CNRIP1: variants seen among roughly 807,000 people sequenced by gnomAD.
The protein encoded by CNRIP1 is cannabinoid receptor interacting protein 1, also known as CB1 cannabinoid receptor-interacting protein 1.
CNRIP1 carries 10 observed loss-of-function variants against 15.2 expected under a neutral mutation model. That is an observed-to-expected ratio of 0.66 (90% CI 0.41 to 1.12). The LOEUF (loss-of-function observed/expected upper bound fraction) is 1.12. Among genes scored for constraint, CNRIP1 ranks in the 50% most tolerant of loss-of-function variants. The probability of loss-of-function intolerance (pLI) is 0.00; values close to 1 mark genes in which losing one functional copy is unlikely to be tolerated. For synonymous variants in CNRIP1, 91 were observed against 83.2 expected (o/e 1.09, Z -0.51); for missense variants, 211 against 214.7 (o/e 0.98, Z 0.11).
intron 2 of CNRIP1, among the ~76,000 whole-genome samples, chr2:68,287,753 G>C (rs576965921): frequency 1.3e-5 from 2 of 152,212 alleles, no homozygotes; most frequent in African/African-American, 4.8e-5. Context: ...CTTAGCCCAG[G>C]CCATGGAGGT....
chr2:68,288,039 C>T (rs1239800115), downstream of CNRIP1, among the ~76,000 whole-genome samples: 1 of 149,570 alleles, frequency 6.7e-6, no homozygotes, highest in Non-Finnish European at 1.5e-5. Flanking sequence ...AGATTGCAAA[C>T]TTCTTGCTGG....
chr2:68,317,336 G>A (rs748417410), intron 1 of CNRIP1, 29 bp from the exon 2 acceptor site: 12 of 1,610,050 alleles, frequency 7.5e-6, no homozygotes, highest in East Asian at 6.7e-5. Flanking sequence ...GACCACATAC[G>A]GTTGAAATTA....
chr2:68,289,434 C>T (rs1025250185), downstream of CNRIP1, among the ~76,000 whole-genome samples: 1 of 151,798 alleles, frequency 6.6e-6, no homozygotes, highest in Non-Finnish European at 1.5e-5. Context: ...TTTAGTTTTT[C>T]TCTTGGCATT....
chr2:68,297,474 G>A (rs528915656), intron 2 of CNRIP1, among the ~76,000 whole-genome samples: 1 of 147,834 alleles, frequency 6.8e-6, no homozygotes, highest in South Asian at 2.2e-4. Flanking sequence ...AGGCTGAGGT[G>A]AAAGGATCGC....
At chr2:68,309,938 T>G (rs11902452) in intron 2 of CNRIP1, among the ~76,000 whole-genome samples, 91,432 of 152,102 alleles carry the variant, frequency 0.6, 29,413 homozygotes, top group African/African-American at 0.84. Flanking sequence ...ATTAATAGCT[T>G]CTTTATATTT....
intron 2 of CNRIP1, among the ~76,000 whole-genome samples, chr2:68,297,567 C>CAAAAAAAAAAAAAAAAA (rs112601365): frequency 1.0e-5 from 1 of 98,910 alleles, no homozygotes; most frequent in Admixed American, 9.8e-5. Context: ...GACACTGTCT[C>CAAAAAAAAAAAAAAAAA]AAAAAAAAAA....
chr2:68,288,795 G>C (rs1671093759), downstream of CNRIP1, among the ~76,000 whole-genome samples: 1 of 152,108 alleles, frequency 6.6e-6, no homozygotes, highest in Non-Finnish European at 1.5e-5. Context: ...AAAACTACCA[G>C]GTTATAAAAA....
At chr2:68,285,462 G>A (rs1001601777) in intron 2 of CNRIP1, among the ~76,000 whole-genome samples, 4 of 151,948 alleles carry the variant, frequency 2.6e-5, no homozygotes, top group East Asian at 1.9e-4. Context: ...CAGAATATTC[G>A]TGACCAGCCT....
chr2:68,297,812 A>G (rs1287483626), intron 2 of CNRIP1, among the ~76,000 whole-genome samples: 1 of 152,132 alleles, frequency 6.6e-6, no homozygotes, highest in Non-Finnish European at 1.5e-5. Context: ...GTTGTCGATG[A>G]TTCAAGGAAA....
chr2:68,304,146 T>C (rs1319751643), intron 2 of CNRIP1, among the ~76,000 whole-genome samples: 2 of 151,630 alleles, frequency 1.3e-5, no homozygotes, highest in South Asian at 2.1e-4. Context: ...CCCAGCACTT[T>C]GGGATGCTGC....
intron 2 of CNRIP1, among the ~76,000 whole-genome samples, chr2:68,315,366 C>A (rs6546371): frequency 0.75 from 113,329 of 152,096 alleles, 42,627 homozygotes; most frequent in African/African-American, 0.85. Flanking sequence ...AGATGATAGG[C>A]GTGTAAATTG....
At chr2:68,300,567 A>C (rs992096382) in intron 2 of CNRIP1, among the ~76,000 whole-genome samples, 7 of 152,152 alleles carry the variant, frequency 4.6e-5, no homozygotes, top group Non-Finnish European at 1.0e-4. Flanking sequence ...CAGTGAGCTG[A>C]GATCACACCA....
chr2:68,301,118 G>A (rs1204240950), intron 2 of CNRIP1, among the ~76,000 whole-genome samples: 1 of 152,146 alleles, frequency 6.6e-6, no homozygotes, highest in Non-Finnish European at 1.5e-5. Flanking sequence ...TTCCTCATGG[G>A]CATATACGTA....
chr2:68,318,609 C>T (rs1013737390), intron 1 of CNRIP1, among the ~76,000 whole-genome samples: 7 of 152,212 alleles, frequency 4.6e-5, no homozygotes, highest in Non-Finnish European at 8.8e-5. Context: ...GAACAGCATA[C>T]GGCATGGAAA....
intron 2 of CNRIP1, 165 bp downstream of exon 2, chr2:68,316,992 A>T: frequency 1.2e-6 from 1 of 820,616 alleles, no homozygotes; most frequent in Non-Finnish European, 2.1e-6. Flanking sequence ...AGCATTAATT[A>T]AGTAGTTCTC....
At chr2:68,284,468 C>T (rs1276940024) in exon 3 of CNRIP1, 1 of 1,541,312 alleles carries the variant, frequency 6.5e-7, no homozygotes, top group Non-Finnish European at 8.8e-7. Context: ...CTCTTGGGGT[C>T]GTTGTTCCAG....
intron 2 of CNRIP1, among the ~76,000 whole-genome samples, chr2:68,298,789 C>T (rs184761005): frequency 6.6e-6 from 1 of 152,238 alleles, no homozygotes; most frequent in Non-Finnish European, 1.5e-5. Context: ...TCCTGGGCCT[C>T]TTACTACCTA....
chr2:68,318,761 C>A (rs913777189), intron 1 of CNRIP1, among the ~76,000 whole-genome samples: 1 of 152,220 alleles, frequency 6.6e-6, no homozygotes, highest in Non-Finnish European at 1.5e-5. Context: ...CCCTGCCTTT[C>A]CACCTCATTC....
At chr2:68,318,593 G>A (rs1672366954) in intron 1 of CNRIP1, among the ~76,000 whole-genome samples, 1 of 152,210 alleles carries the variant, frequency 6.6e-6, no homozygotes, top group Non-Finnish European at 1.5e-5. Flanking sequence ...AAACTCAGGA[G>A]AAAAAGAACA....
Sources: gnomAD v4.1 joint callset for allele counts (sites outside exome capture counted in the v4.1 genomes callset) on GRCh38, gnomAD v4.1.1 for gene constraint, MANE v1.5 for transcripts, NCBI Gene and HGNC (gene_info 2026-07-23, HGNC 2026-07-21) for gene names.